Variants in CLPB observed in about 807,000 individuals in gnomAD.
CLPB encodes mitochondrial disaggregase.
CLPB carries 40 observed loss-of-function variants against 78.4 expected under a neutral mutation model. The ratio of observed to expected loss-of-function variants is 0.51; its 90% CI spans 0.40 to 0.66. CLPB has a LOEUF of 0.66. CLPB is among the 30% of genes least tolerant of loss of function. CLPB has a pLI of 0.00. For missense variants in CLPB, 780 were observed against 886.9 expected (o/e 0.88, Z 1.53); for synonymous variants, 333 against 348.0 (o/e 0.96, Z 0.48).
intron 11 of CLPB, among the ~76,000 whole-genome samples, chr11:72,297,415 T>G (rs980060983): frequency 6.6e-5 from 10 of 152,234 alleles, no homozygotes; most frequent in Admixed American, 4.6e-4. Flanking sequence ...GCAGAGGCCT[T>G]TGAGAAACTG....
intron 5 of CLPB, among the ~76,000 whole-genome samples, chr11:72,344,616 T>A (rs979354058): frequency 6.6e-6 from 1 of 152,100 alleles, no homozygotes; most frequent in African/African-American, 2.4e-5. Context: ...GAAGCCCGAG[T>A]CCTCAGCCCT....
intron 2 of CLPB, among the ~76,000 whole-genome samples, chr11:72,424,859 C>G (rs1350138678): frequency 6.6e-6 from 1 of 151,752 alleles, no homozygotes; most frequent in Non-Finnish European, 1.5e-5. Context: ...GCACTCCAAC[C>G]TGGGGGACAG....
At position 72,293,165 on chromosome 11, in the gene CLPB, C is replaced by G. The variant is rs1365252283; in HGVS notation, c.*202G>C. 7 of 619,798 alleles carry G rather than the reference C, an allele frequency of 1.1e-5. No individual in the cohort carries two copies. The highest frequency in any genetic ancestry group is 1.1e-4 in the African/African-American group (6 of 54,142). 38.4% of individuals were successfully genotyped at this position (619,798 alleles called of 1,614,324 possible). ...GGCTTGTTAGCAGGTTATGGGCCCA[C>G]AACAAAGGGGCCAGAGTAGGGCGAA... On this transcript the variant is annotated 3_prime_UTR_variant, in exon 16 of 16. Coordinates refer to ENST00000538039, the MANE Select transcript of CLPB (RefSeq NM_001258392.3).
chr11:72,306,819 C>T (rs1022831706), intron 9 of CLPB, among the ~76,000 whole-genome samples: 1 of 152,224 alleles, frequency 6.6e-6, no homozygotes, highest in Admixed American at 6.5e-5. Context: ...TTTCCCCCTC[C>T]AACCTGAGCT....
At chr11:72,304,668 G>A (rs1243139027) in intron 9 of CLPB, among the ~76,000 whole-genome samples, 1 of 152,186 alleles carries the variant, frequency 6.6e-6, no homozygotes, top group African/African-American at 2.4e-5. Context: ...TACAAAGAAT[G>A]CTTCTGAAGC....
rs1301691057 is a variant in CLPB, at chr11:72,433,370, CA to C, written c.403+701del. Among the ~76,000 whole-genome samples, 7 of 151,686 alleles carry C rather than the reference CA, an allele frequency of 4.6e-5. 1 individual carries two copies. Among genetic ancestry groups the C allele is most frequent in the Non-Finnish European group, 2.9e-5 (2 of 67,930 alleles). On this transcript the variant is annotated intron_variant, in intron 1 of 15. Transcript: ENST00000538039. ...GTCAAGAGATCGAGACCATCCTGACCAACAACTAAAAATACAAAAATTAGCT... is the reference window on the plus strand; with the variant it reads ...GTCAAGAGATCGAGACCATCCTGACCACAACTAAAAATACAAAAATTAGCT...
intron 5 of CLPB, among the ~76,000 whole-genome samples, chr11:72,339,222 G>C (rs1437585334): frequency 1.3e-5 from 2 of 152,180 alleles, no homozygotes; most frequent in Non-Finnish European, 2.9e-5. Flanking sequence ...GCAAGTTAGT[G>C]GAAATAAATA....
At chr11:72,317,263 T>G in intron 6 of CLPB, 43 bp from the exon 7 acceptor site, 6 of 1,399,394 alleles carry the variant, frequency 4.3e-6, no homozygotes, top group Non-Finnish European at 5.9e-6. Context: ...GCCGGGCCCA[T>G]AGCACCATAG....
rs761122843 is a variant in CLPB at position 72,358,897 on chromosome 11, T to C, written c.758A>G (p.Lys253Arg). 3 of 1,484,322 alleles carry C rather than the reference T, an allele frequency of 2.0e-6. No homozygotes were observed. The highest frequency in any genetic ancestry group is 1.8e-6 in the Non-Finnish European group (2 of 1,096,104). 91.9% of individuals were successfully genotyped at this position (1,484,322 alleles called of 1,614,324 possible). Residue 253 changes from lysine to arginine, a missense_variant, in exon 5 of 16, where the codon AAG becomes AGG. Physicochemically the swap from Lys to Arg is conservative, Grantham distance 26 (BLOSUM62 2). Coordinates refer to ENST00000538039, the MANE Select transcript of CLPB (RefSeq NM_001258392.3). ...AVLADDYRTV[K>R]ELLDGGANPL... ...GCTCTCACCTCCATCAAGCAGCTCC[T>C]TGACAGTGCGGTAGTCATCAGCAAG...
intron 3 of CLPB, among the ~76,000 whole-genome samples, chr11:72,391,980 C>T (rs17244408): frequency 0.17 from 25,130 of 151,898 alleles, 2,651 homozygotes; most frequent in Non-Finnish European, 0.24. Flanking sequence ...AGGCTTTCTG[C>T]TTTCAGTGGC....
intron 2 of CLPB, among the ~76,000 whole-genome samples, chr11:72,425,008 G>A (rs1856329489): frequency 6.6e-6 from 1 of 152,158 alleles, no homozygotes; most frequent in African/African-American, 2.4e-5. Flanking sequence ...CTCAAGAGGC[G>A]CAGGTTGCAG....
intron 2 of CLPB, among the ~76,000 whole-genome samples, chr11:72,421,444 A>C (rs1031132375): frequency 2.0e-5 from 3 of 152,230 alleles, no homozygotes; most frequent in Non-Finnish European, 2.9e-5. Flanking sequence ...GAAGGCTTTC[A>C]GGAAGATGTG....
intron 3 of CLPB, among the ~76,000 whole-genome samples, chr11:72,390,361 C>A (rs1417204581): frequency 6.6e-6 from 1 of 150,898 alleles, no homozygotes; most frequent in Non-Finnish European, 1.5e-5. Context: ...TCACTTCAAC[C>A]CAGGAGGCAG....
chr11:72,324,981 A>G (rs916126963), intron 6 of CLPB, among the ~76,000 whole-genome samples: 1 of 152,200 alleles, frequency 6.6e-6, no homozygotes, highest in Non-Finnish European at 1.5e-5. Context: ...GGATAGGCCT[A>G]TCTGCCTAAT....
intron 5 of CLPB, among the ~76,000 whole-genome samples, chr11:72,346,284 T>C (rs1004896958): frequency 2.0e-5 from 3 of 152,112 alleles, no homozygotes; most frequent in African/African-American, 7.2e-5. Flanking sequence ...CTTAGTGCAT[T>C]CACGTTATAA....
chr11:72,342,104 T>C (rs1242883125), intron 5 of CLPB, among the ~76,000 whole-genome samples: 1 of 152,142 alleles, frequency 6.6e-6, no homozygotes, highest in Non-Finnish European at 1.5e-5. Flanking sequence ...TAGACAACCA[T>C]ACTATTCATC....
chr11:72,398,937 C>T (rs773528812), intron 3 of CLPB, among the ~76,000 whole-genome samples: 2 of 152,186 alleles, frequency 1.3e-5, no homozygotes, highest in African/African-American at 2.4e-5. Context: ...TCCAAGTAAG[C>T]TTCTTAAGGC....
At chr11:72,419,416 G>C (rs1856123860) in intron 2 of CLPB, among the ~76,000 whole-genome samples, 1 of 152,188 alleles carries the variant, frequency 6.6e-6, no homozygotes, top group African/African-American at 2.4e-5. Flanking sequence ...ATACAAGCAG[G>C]AAGGCACTCA....
intron 4 of CLPB, among the ~76,000 whole-genome samples, chr11:72,373,709 G>A (rs1395067495): frequency 6.6e-6 from 1 of 152,144 alleles, no homozygotes; most frequent in African/African-American, 2.4e-5. Context: ...ACTTTGGGAG[G>A]CCAAGGTGGG....
Sources: gnomAD v4.1 joint callset for allele counts (sites outside exome capture counted in the v4.1 genomes callset) on GRCh38, gnomAD v4.1.1 for gene constraint, MANE v1.5 for transcripts, NCBI Gene and HGNC (gene_info 2026-07-23, HGNC 2026-07-21) for gene names.